Variants in EMID1 observed in about 807,000 individuals in gnomAD.
The protein encoded by EMID1 is EMI domain-containing protein 1.
In EMID1, 40 loss-of-function variants were observed where a neutral mutation model predicts 60.6. That is an observed-to-expected ratio of 0.66 (90% CI 0.51 to 0.86). The LOEUF is 0.86. EMID1 is among the 40% of genes least tolerant of loss of function. The pLI is 0.00. For synonymous variants in EMID1, 242 were observed against 231.0 expected (o/e 1.05, Z -0.43); for missense variants, 585 against 597.1 (o/e 0.98, Z 0.21).
At chr22:29,216,198 G>A (rs543505781) in intron 3 of EMID1, 3 of 557,258 alleles carry the variant, frequency 5.4e-6, no homozygotes, top group Non-Finnish European at 6.8e-6. Flanking sequence ...ACCCCACCTG[G>A]CTTCACTGTG....
intron 12 of EMID1, among the ~76,000 whole-genome samples, chr22:29,236,043 G>T (rs1601993687): frequency 1.3e-5 from 2 of 151,790 alleles, no homozygotes. Flanking sequence ...CTTATTTTTT[G>T]GTCCATTCTA....
At chr22:29,211,889 C>T (rs970811231) in intron 1 of EMID1, among the ~76,000 whole-genome samples, 2 of 152,310 alleles carry the variant, frequency 1.3e-5, no homozygotes, top group Admixed American at 1.3e-4. Context: ...AAGTTTTATG[C>T]GTATTTCTGG....
intron 4 of EMID1, 22 bp from the exon 5 acceptor site, chr22:29,226,468 C>G: frequency 6.2e-7 from 1 of 1,610,694 alleles, no homozygotes; most frequent in Non-Finnish European, 8.5e-7. Flanking sequence ...GGCCCTGGCC[C>G]CAGCTTCCTC....
intron 5 of EMID1, among the ~76,000 whole-genome samples, chr22:29,229,866 C>G (rs1263742262): frequency 6.6e-6 from 1 of 152,122 alleles, no homozygotes; most frequent in Non-Finnish European, 1.5e-5. Flanking sequence ...TCTGGACAGG[C>G]CCCCACGATC....
At position 29,233,453 on chromosome 22, in the gene EMID1, C is replaced by A; in HGVS notation, c.898C>A (p.Pro300Thr). 6.2e-7 allele frequency: 1 copy of A among 1,614,220 alleles called. No individual in the cohort carries two copies. Reference protein sequence around the residue: ...WPQGPTGPPGPPGPMGPPGPP... With the variant: ...WPQGPTGPPGTPGPMGPPGPP... ...CCAGGGACCCACTGGGCCTCCAGGCCCTCCAGGGCCCATGGGTAAGTTGAG... is the reference window on the plus strand; with the variant it reads ...CCAGGGACCCACTGGGCCTCCAGGCACTCCAGGGCCCATGGGTAAGTTGAG... The change falls in exon 9 of 15, where the codon CCT becomes ACT. Residue 300 changes from proline to threonine, a missense_variant. Physicochemically the swap from Pro to Thr is conservative, Grantham distance 38 (BLOSUM62 -1). Transcript: ENST00000334018.
rs773752764 is a variant in EMID1 at position 29,254,276 on chromosome 22, T to A, written c.1193T>A (p.Ile398Asn). The A allele has an allele frequency of 6.2e-7, 1 of 1,614,068 alleles. No homozygotes were observed. The highest frequency in any genetic ancestry group is 8.5e-7 in the Non-Finnish European group (1 of 1,179,916). ...AGGGTTTTAATCTTGGAAACAATGA[T>A]TGGGCTCTATGGTGAGTAGAGACAG... is the stretch of plus-strand genomic sequence containing the variant. ...AERVLILETM[I>N]GLYEPELGSG... is the part of the protein sequence containing the mutation. Residue 398 changes from isoleucine to asparagine, a missense_variant, in exon 14 of 15, where the codon ATT (isoleucine) becomes AAT (asparagine). Ile to Asn is a moderately radical substitution (Grantham distance 149). Coordinates refer to ENST00000334018, the MANE Select transcript of EMID1 (RefSeq NM_133455.4).
intron 1 of EMID1, among the ~76,000 whole-genome samples, chr22:29,210,826 T>C (rs2039854972): frequency 6.6e-6 from 1 of 152,180 alleles, no homozygotes; most frequent in Non-Finnish European, 1.5e-5. Flanking sequence ...GGGCTGGGCA[T>C]GTGAGGGCTG....
At chr22:29,225,112 C>T (rs530699337) in intron 3 of EMID1, 21 bp from the exon 4 acceptor site, 43 of 1,612,664 alleles carry the variant, frequency 2.7e-5, no homozygotes, top group Admixed American at 5.0e-5. Context: ...GCCAGCAGGG[C>T]TCTCACCCTC....
At chr22:29,253,382 A>G (rs150373333) in intron 13 of EMID1, among the ~76,000 whole-genome samples, 5,256 of 152,362 alleles carry the variant, frequency 0.034, 313 homozygotes, top group African/African-American at 0.12. Context: ...CAGGAGTTCC[A>G]GACCAGCCTG....
intron 3 of EMID1, among the ~76,000 whole-genome samples, chr22:29,222,743 G>A (rs1208999680): frequency 6.6e-6 from 1 of 152,056 alleles, no homozygotes; most frequent in African/African-American, 2.4e-5. Context: ...CCTTATATTT[G>A]GTTTGCTTGC....
chr22:29,216,185 C>A, intron 3 of EMID1: 1 of 462,168 alleles, frequency 2.2e-6, no homozygotes, highest in Non-Finnish European at 2.8e-6. Context: ...AGGGACTTCT[C>A]TCACCCCACC....
At chr22:29,211,228 G>A (rs904788268) in intron 1 of EMID1, among the ~76,000 whole-genome samples, 1 of 152,224 alleles carries the variant, frequency 6.6e-6, no homozygotes, top group South Asian at 2.1e-4. Flanking sequence ...ATGAGTGTGT[G>A]TATGTGAATG....
At position 29,206,004 on chromosome 22, in the gene EMID1, G is replaced by A; in HGVS notation, c.-35G>A. ...GGAGGACAGGCTGGGGGCGGCGACC[G>A]CGAGGGGCCGCGCGCGGAGGGCGCC... On this transcript the variant is annotated 5_prime_UTR_variant, in exon 1 of 15. Coordinates refer to ENST00000334018, the MANE Select transcript of EMID1 (RefSeq NM_133455.4). 1 of 1,186,122 alleles carries A rather than the reference G, an allele frequency of 8.4e-7. No homozygotes were observed. Among genetic ancestry groups the A allele is most frequent in the East Asian group, 3.5e-5 (1 of 28,294 alleles). 73.5% of individuals were successfully genotyped at this position (1,186,122 alleles called of 1,614,324 possible). A position where few individuals can be genotyped will look rare whatever the true frequency, so the allele number is the denominator to read the frequency against.
At chr22:29,255,080 GTTAT>G (rs1569010424) in intron 14 of EMID1, among the ~76,000 whole-genome samples, 4 of 152,152 alleles carry the variant, frequency 2.6e-5, no homozygotes, top group Non-Finnish European at 5.9e-5. Context: ...CACCCATGTG[GTTAT>G]TTGAGGAGCC....
At chr22:29,255,495 G>A in intron 14 of EMID1, 1 of 639,276 alleles carries the variant, frequency 1.6e-6, no homozygotes, top group Non-Finnish European at 2.5e-6. Flanking sequence ...CAGCCAGCCA[G>A]CAAATGGTGC....
intron 4 of EMID1, 43 bp from the exon 5 acceptor site, chr22:29,226,447 C>G (rs777481511): frequency 1.2e-6 from 2 of 1,603,680 alleles, no homozygotes; most frequent in Non-Finnish European, 1.7e-6. Flanking sequence ...GAGGGGAAGC[C>G]TAGGACCCTT....
intron 13 of EMID1, among the ~76,000 whole-genome samples, chr22:29,253,562 A>C (rs2041599814): frequency 1.3e-5 from 2 of 152,216 alleles, no homozygotes; most frequent in African/African-American, 4.8e-5. Flanking sequence ...AACCTGGGCA[A>C]CAAGAGCAAA....
In EMID1 at chr22:29,214,935, C is replaced by T. The variant is rs1274680265; in HGVS notation, c.111C>T (p.Cys37=). Residue 37 remains cysteine, a synonymous_variant, in exon 2 of 15, where the codon TGC becomes TGT. Coordinates refer to ENST00000334018, the MANE Select transcript of EMID1 (RefSeq NM_133455.4). ...AAPFSGRRNW[C]SYVVTRTISC... is the part of the protein sequence containing the mutation. ...TTTGGGTCTGTTTCAGGAACTGGTG[C>T]TCCTATGTGGTGACCCGCACCATCT... The T allele has an allele frequency of 7.2e-6, 11 of 1,527,226 alleles. No homozygotes were observed. The highest frequency in any genetic ancestry group is 1.4e-5 in the African/African-American group (1 of 72,992). The allele number at this position is 1,527,226 out of a possible 1,614,324, so 94.6% of individuals were successfully genotyped here. A position where few individuals can be genotyped will look rare whatever the true frequency, so the allele number is the denominator to read the frequency against.
intron 3 of EMID1, among the ~76,000 whole-genome samples, chr22:29,218,904 T>G (rs2040187037): frequency 6.6e-6 from 1 of 152,144 alleles, no homozygotes; most frequent in African/African-American, 2.4e-5. Flanking sequence ...AAGCAAGTAT[T>G]GTCGCCAGGT....
Sources: gnomAD v4.1 joint callset for allele counts (sites outside exome capture counted in the v4.1 genomes callset) on GRCh38, gnomAD v4.1.1 for gene constraint, MANE v1.5 for transcripts, NCBI Gene and HGNC (gene_info 2026-07-23, HGNC 2026-07-21) for gene names.